Variants in AGAP1 observed in about 807,000 individuals in gnomAD.
The protein encoded by AGAP1 is ArfGAP with GTPase domain, ankyrin repeat and PH domain 1.
A neutral mutation model predicts 105.3 loss-of-function variants in AGAP1; 29 were observed. That is an observed-to-expected ratio of 0.28 (90% CI 0.21 to 0.38). AGAP1 has a LOEUF of 0.38. AGAP1 is among the 10% of genes least tolerant of loss of function. The probability of loss-of-function intolerance (pLI) is 1.00; values close to 1 mark genes in which losing one functional copy is unlikely to be tolerated. For missense variants in AGAP1, 998 were observed against 1,165.1 expected (o/e 0.86, Z 2.09); for synonymous variants, 509 against 485.9 (o/e 1.05, Z -0.63).
chr2:235,877,449 C>G lies in AGAP1; in HGVS notation c.1051-5896C>G, dbSNP rs1036245259. Among the ~76,000 whole-genome samples the G allele has an allele frequency of 5.3e-5, 8 of 152,112 alleles. No individual in the cohort carries two copies. ...TGTCAGCTGCCTCGTGACCGTATCA[C>G]GTGGTGACCCCAGTCTCTTCCTTTC... On this transcript the variant is annotated intron_variant, in intron 9 of 17. Coordinates refer to ENST00000304032, the MANE Select transcript of AGAP1 (RefSeq NM_001037131.3). The surrounding 1 kb of genome is among the most constrained non-coding windows in gnomAD (Gnocchi z 4.3).
rs557678858 is a variant in AGAP1, at chr2:235,981,784, G to T, written c.1645+13161G>T. Among the ~76,000 whole-genome samples, 1 of 152,124 alleles carries T rather than the reference G, an allele frequency of 6.6e-6. No individual in the cohort carries two copies. The highest frequency in any genetic ancestry group is 1.5e-5 in the Non-Finnish European group (1 of 68,030). ...AAGTAACTTGCTCAAGGCCATAGAC[G>T]TAGAAAGCAGCGATAGGGCCACCGA... On this transcript the variant is annotated intron_variant, in intron 13 of 17. Coordinates refer to ENST00000304032, the MANE Select transcript of AGAP1 (RefSeq NM_001037131.3). This position sits in a 1 kb window ranked among gnomAD's most constrained non-coding sequence, Gnocchi z 5.5.
chr2:235,811,629 G>T (rs539248357), intron 9 of AGAP1, among the ~76,000 whole-genome samples: 2 of 152,342 alleles, frequency 1.3e-5, no homozygotes, highest in East Asian at 3.9e-4. Context: ...CATTCCTAGG[G>T]TTAGTCAGGA....
rs2056226474 is a variant in AGAP1, at chr2:236,003,911, ATGC to A, written c.1646-32649_1646-32647del. ...AATAATACATACATGGTATAGATTG[ATGC>A]ATAAAACAGTCAGCCCCTGGACTCC... On this transcript the variant is annotated intron_variant, in intron 13 of 17. Transcript: ENST00000304032. The surrounding 1 kb of genome is among the most constrained non-coding windows in gnomAD (Gnocchi z 4.2). Among the ~76,000 whole-genome samples, 1 of 152,198 alleles carries A rather than the reference ATGC, an allele frequency of 6.6e-6. No individual in the cohort carries two copies. The highest frequency in any genetic ancestry group is 1.5e-5 in the Non-Finnish European group (1 of 68,050).
At position 236,038,709 on chromosome 2, in the gene AGAP1, G is replaced by A. The variant is rs1182809812; in HGVS notation, c.1800+1994G>A. On this transcript the variant is annotated intron_variant, in intron 14 of 17. Transcript: ENST00000304032. This position sits in a 1 kb window ranked among gnomAD's most constrained non-coding sequence, Gnocchi z 4.5. ...CAGCTTTATAGTATTTTACCTGCCA[G>A]TGGATAATTGAGAGCTGATACAGGT... Among the ~76,000 whole-genome samples the A allele has an allele frequency of 6.6e-6, 1 of 152,150 alleles. No homozygotes were observed. The highest frequency in any genetic ancestry group is 6.5e-5 in the Admixed American group (1 of 15,280).
In AGAP1 at chr2:236,025,901, C is replaced by CGGGT. The variant is rs754035327; in HGVS notation, c.1646-10653_1646-10650dup. On this transcript the variant is annotated intron_variant, in intron 13 of 17. Transcript: ENST00000304032. The stretch of plus-strand genomic sequence containing the variant: ...TGAGCGACAGAGGGAGACTCCTTCT[C>CGGGT]GGGTGGGTGGATGGATGGATGGATG... Among the ~76,000 whole-genome samples the CGGGT allele has an allele frequency of 1.2e-3, 135 of 112,540 alleles. 1 individual carries two copies. The highest frequency in any genetic ancestry group is 1.5e-3 in the Non-Finnish European group (84 of 55,998). 73.8% of individuals were successfully genotyped at this position (112,540 alleles called of 152,430 possible).
chr2:235,745,675 G>C (rs1297035468), intron 5 of AGAP1, among the ~76,000 whole-genome samples: 1 of 152,194 alleles, frequency 6.6e-6, no homozygotes, highest in East Asian at 1.9e-4. Context: ...GAGCCTATCT[G>C]ACATGCCCAT....
At chr2:235,682,590 G>T (rs950909369) in intron 1 of AGAP1, among the ~76,000 whole-genome samples, 1 of 151,832 alleles carries the variant, frequency 6.6e-6, no homozygotes, top group Non-Finnish European at 1.5e-5. Context: ...AATGATCCTC[G>T]CACCTTAGCC....
intron 1 of AGAP1, among the ~76,000 whole-genome samples, chr2:235,568,083 G>T (rs1944404280): frequency 6.6e-6 from 1 of 152,060 alleles, no homozygotes; most frequent in African/African-American, 2.4e-5. Flanking sequence ...ACTCAGTGGG[G>T]ATTCCCACAC....
chr2:236,061,666 A>G lies in AGAP1; in HGVS notation c.2114+12385A>G, dbSNP rs74610857. Among the ~76,000 whole-genome samples the G allele has an allele frequency of 4.6e-5, 7 of 152,238 alleles. No individual in the cohort carries two copies. The highest frequency in any genetic ancestry group is 2.0e-4 in the Admixed American group (3 of 15,290). On this transcript the variant is annotated intron_variant, in intron 16 of 17. Coordinates refer to ENST00000304032, the MANE Select transcript of AGAP1 (RefSeq NM_001037131.3). This position sits in a 1 kb window ranked among gnomAD's most constrained non-coding sequence, Gnocchi z 4.1. ...AAAACAGGCACCTCCATAGTAATGC[A>G]AAGTAGATTCCTGCTTGCCAGGTGC...
At position 236,123,326 on chromosome 2, in the gene AGAP1, C is replaced by T. The variant is rs186235223; in HGVS notation, c.2371-593C>T. Among the ~76,000 whole-genome samples the T allele has an allele frequency of 1.3e-5, 2 of 152,042 alleles. No individual in the cohort carries two copies. The highest frequency in any genetic ancestry group is 1.3e-4 in the Admixed American group (2 of 15,270). Reference sequence around the variant, plus strand: ...GAACTCCTGGGCTGAAGTGAACCACCGCACCCAGCTTGTGTTGTGCTTCTG... The same window carrying T: ...GAACTCCTGGGCTGAAGTGAACCACTGCACCCAGCTTGTGTTGTGCTTCTG... On this transcript the variant is annotated intron_variant, in intron 17 of 17. Transcript: ENST00000304032. This position sits in a 1 kb window ranked among gnomAD's most constrained non-coding sequence, Gnocchi z 4.6.
intron 12 of AGAP1, among the ~76,000 whole-genome samples, chr2:235,939,708 G>A (rs866620030): frequency 6.6e-6 from 1 of 152,026 alleles, no homozygotes; most frequent in Non-Finnish European, 1.5e-5. Context: ...TCTTCATAGT[G>A]GGAGACCTGC....
rs2049228903 is a variant in AGAP1 at position 235,867,495 on chromosome 2, G to T, written c.1051-15850G>T. Among the ~76,000 whole-genome samples, 1 of 151,472 alleles carries T rather than the reference G, an allele frequency of 6.6e-6. No homozygotes were observed. Among genetic ancestry groups the T allele is most frequent in the South Asian group, 2.1e-4 (1 of 4,808 alleles). Reference sequence around the variant, plus strand: ...GTGAGAGTTCCTGTTAGGCGGGAAGGCTCTGGCCCCTCGGGATCATACACC... The same window carrying T: ...GTGAGAGTTCCTGTTAGGCGGGAAGTCTCTGGCCCCTCGGGATCATACACC... On this transcript the variant is annotated intron_variant, in intron 9 of 17. Coordinates refer to ENST00000304032, the MANE Select transcript of AGAP1 (RefSeq NM_001037131.3). This position sits in a 1 kb window ranked among gnomAD's most constrained non-coding sequence, Gnocchi z 5.4.
chr2:236,083,842 G>T lies in AGAP1; in HGVS notation c.2114+34561G>T, dbSNP rs1488148927. Among the ~76,000 whole-genome samples the T allele has an allele frequency of 2.0e-5, 3 of 152,050 alleles. No homozygotes were observed. The highest frequency in any genetic ancestry group is 4.4e-5 in the Non-Finnish European group (3 of 68,028). Reference sequence around the variant, plus strand: ...CTTCTGAGATCCCATTCGATGCTCTGCCCTCAATTAAATGAATCCGAGATA... The same window carrying T: ...CTTCTGAGATCCCATTCGATGCTCTTCCCTCAATTAAATGAATCCGAGATA... On this transcript the variant is annotated intron_variant, in intron 16 of 17. Transcript: ENST00000304032. The surrounding 1 kb of genome is among the most constrained non-coding windows in gnomAD (Gnocchi z 5.3).
At chr2:236,094,524 G>A (rs189000644) in intron 16 of AGAP1, among the ~76,000 whole-genome samples, 2 of 151,964 alleles carry the variant, frequency 1.3e-5, no homozygotes, top group East Asian at 3.9e-4. Flanking sequence ...TCTAGTTTTT[G>A]TATTTTTTGT....
intron 16 of AGAP1, among the ~76,000 whole-genome samples, chr2:236,093,039 G>A (rs1050562019): frequency 1.3e-5 from 2 of 152,214 alleles, no homozygotes; most frequent in African/African-American, 2.4e-5. Flanking sequence ...ATGGGTCCAC[G>A]ACGATACTCC....
intron 1 of AGAP1, among the ~76,000 whole-genome samples, chr2:235,590,680 T>C (rs547410269): frequency 1.5e-3 from 175 of 116,550 alleles, no homozygotes; most frequent in East Asian, 7.5e-3. Flanking sequence ...TGTGTGTGTG[T>C]GTGTGCGTGT....
chr2:235,763,052 ATGTG>A (rs1211676959), intron 6 of AGAP1, among the ~76,000 whole-genome samples: 1 of 150,288 alleles, frequency 6.7e-6, no homozygotes, highest in African/African-American at 2.5e-5. Context: ...GTGTGTGTGT[ATGTG>A]TGCGCGCGCG....
In AGAP1 at chr2:235,696,306, A is replaced by G. The variant is rs1575154362; in HGVS notation, c.164-12873A>G. On this transcript the variant is annotated intron_variant, in intron 1 of 17. Coordinates refer to ENST00000304032, the MANE Select transcript of AGAP1 (RefSeq NM_001037131.3). Reference sequence around the variant, plus strand: ...GGTGATCCACCTGCCTCGGCCTCCCAAAATGTTGGGATTACAGGCGTGAGC... The same window carrying G: ...GGTGATCCACCTGCCTCGGCCTCCCGAAATGTTGGGATTACAGGCGTGAGC... 2.0e-5 allele frequency among the ~76,000 whole-genome samples: 3 copies of G among 152,328 alleles called. No individual in the cohort carries two copies. The East Asian group carries it at 5.8e-4, about 29-fold the overall frequency.
rs548766323 is a variant in AGAP1 at position 235,659,816 on chromosome 2, G to T, written c.164-49363G>T. 6.6e-6 allele frequency among the ~76,000 whole-genome samples: 1 copy of T among 152,192 alleles called. No homozygotes were observed. Among genetic ancestry groups the T allele is most frequent in the Non-Finnish European group, 1.5e-5 (1 of 68,040 alleles). On this transcript the variant is annotated intron_variant, in intron 1 of 17. Transcript: ENST00000304032. The surrounding 1 kb of genome is among the most constrained non-coding windows in gnomAD (Gnocchi z 5.0). The stretch of plus-strand genomic sequence containing the variant: ...CCCTGGCCTCTGCAGATAAGCCCTC[G>T]GATGCGAAATCTGGGGAACCAGCCA...
Sources: allele counts gnomAD v4.1 joint callset (sites outside exome capture counted in the v4.1 genomes callset), GRCh38; gene constraint gnomAD v4.1.1; non-coding constraint Gnocchi (gnomAD v3.1); transcripts MANE v1.5; gene names NCBI Gene and HGNC (gene_info 2026-07-23, HGNC 2026-07-21).